The following CXADR variants were observed in gnomAD, a reference collection of about 807,000 sequenced individuals.
The protein encoded by CXADR is coxsackievirus and adenovirus receptor.
A neutral mutation model predicts 40.3 loss-of-function variants in CXADR; 20 were observed. That is an observed-to-expected ratio of 0.50 (90% confidence interval 0.35 to 0.72). The LOEUF is 0.72. CXADR is among the 30% of genes least tolerant of loss of function. CXADR has a pLI of 0.01. For missense variants in CXADR, 332 were observed against 449.1 expected, an observed-to-expected ratio of 0.74 and a Z score of 2.36; for synonymous variants, 150 against 161.3, an observed-to-expected ratio of 0.93 and a Z score of 0.53.
chr21:17,589,754 G>C (rs1255868919), intron 7 of CXADR, among the ~76,000 whole-genome samples: 1 of 151,960 alleles, frequency 6.6e-6, no homozygotes, highest in Non-Finnish European at 1.5e-5. Context: ...CGTAGGTAAT[G>C]GTCCTCGTTT....
chr21:17,569,647 T>G lies in CXADR; in HGVS notation c.*3955T>G. 1.0e-6 allele frequency: 1 copy of G among 980,590 alleles called. No individual in the cohort carries two copies. The highest frequency in any genetic ancestry group is 4.7e-5 in the South Asian group (1 of 21,208). 60.7% of individuals were successfully genotyped at this position (980,590 alleles called of 1,614,324 possible). A position where few individuals can be genotyped will look rare whatever the true frequency, so the allele number is the denominator to read the frequency against. ...ATCTTTAGGGAAGGCTGATCATTTA[T>G]CTTATAGCAGATAACCCCAGCCTCT... On this transcript the variant is annotated 3_prime_UTR_variant, in exon 7 of 7. Coordinates refer to ENST00000284878, the MANE Select transcript of CXADR (RefSeq NM_001338.5).
At position 17,568,777 on chromosome 21, in the gene CXADR, G is replaced by C. The variant is rs185846868; in HGVS notation, c.*3085G>C. 120 of 985,022 alleles carry C rather than the reference G, an allele frequency of 1.2e-4. No homozygotes were observed. The African/African-American group carries it at 2.0e-3, about 16-fold the overall frequency. 61.0% of individuals were successfully genotyped at this position (985,022 alleles called of 1,614,324 possible). A position where few individuals can be genotyped will look rare whatever the true frequency, so the allele number is the denominator to read the frequency against. ...ACTAATATGATTCCCTTGTTAGAGA[G>C]CCTCTCACTCCCCCACCCCCAAAAA... is the stretch of plus-strand genomic sequence containing the variant. On this transcript the variant is annotated 3_prime_UTR_variant, in exon 7 of 7. Transcript: ENST00000284878.
At chr21:17,623,267 G>A in the CXADR span, among the ~76,000 whole-genome samples, 1 of 152,152 alleles carries the variant, frequency 6.6e-6, no homozygotes, top group South Asian at 2.1e-4. Context: ...TATTTTGGAA[G>A]TATTTATTTA....
At chr21:17,600,990 T>C in the CXADR span, among the ~76,000 whole-genome samples, 340 of 152,152 alleles carry the variant, frequency 2.2e-3, 11 homozygotes, top group East Asian at 0.05. Flanking sequence ...GGTGAAACCC[T>C]GTCTCTACTA....
At chr21:17,598,486 G>T, downstream of CXADR, 1 of 727,792 alleles carries the variant, frequency 1.4e-6, no homozygotes, top group Non-Finnish European at 2.2e-6. Flanking sequence ...CTTTCCCTTA[G>T]CATGGGGAAA....
the CXADR span, chr21:17,605,097 T>C: frequency 1.5e-6 from 2 of 1,316,850 alleles, no homozygotes; most frequent in African/African-American, 1.5e-5. Context: ...AAAATAGTAA[T>C]AAAAAAATAC....
the CXADR span, among the ~76,000 whole-genome samples, chr21:17,626,720 T>C: frequency 6.6e-6 from 1 of 151,994 alleles, no homozygotes; most frequent in Non-Finnish European, 1.5e-5. Flanking sequence ...GGGAATGGGG[T>C]AGTGGGTGTT....
rs770344225 is a variant in CXADR at position 17,565,574 on chromosome 21, A to G, written c.980A>G (p.Glu327Gly). The G allele has an allele frequency of 3.7e-6, 6 of 1,613,686 alleles. No homozygotes were observed. The South Asian group carries it at 5.5e-5, about 15-fold the overall frequency. Residue 327 changes from glutamate (E) to glycine (G), a missense_variant, in exon 7 of 7, where the codon GAA becomes GGA. Physicochemically the swap from Glu to Gly is moderately conservative, Grantham distance 98. Around this residue, in one of 3 missense-constraint regions of CXADR, gnomAD observed 150 missense variants for 194.2 expected, o/e 0.77. Coordinates refer to ENST00000284878, the MANE Select transcript of CXADR (RefSeq NM_001338.5). ...AACCAAGTACCAAGTGAAGACTTTG[A>G]ACGCACTCCTCAGAGTCCGACTCTC... ...QYNQVPSEDF[E>G]RTPQSPTLPP...
intron 1 of CXADR, among the ~76,000 whole-genome samples, chr21:17,532,145 T>C (rs2060686337): frequency 6.6e-6 from 1 of 151,958 alleles, no homozygotes; most frequent in African/African-American, 2.4e-5. Context: ...GTTGCCCAGG[T>C]TGGTCTCAAA....
chr21:17,591,920 T>C (rs1333470985), intron 7 of CXADR, among the ~76,000 whole-genome samples: 2 of 151,994 alleles, frequency 1.3e-5, no homozygotes, highest in East Asian at 3.9e-4. Context: ...GTGACAGTTT[T>C]ATTTCATTAG....
intron 7 of CXADR, chr21:17,593,134 CTTT>C: frequency 1.4e-6 from 2 of 1,402,584 alleles, no homozygotes; most frequent in Non-Finnish European, 1.9e-6. Context: ...AGAGATATCT[CTTT>C]TTTTCTTTTT....
chr21:17,534,789 C>CT (rs11427595), intron 1 of CXADR, among the ~76,000 whole-genome samples: 69,607 of 131,968 alleles, frequency 0.53, 21,301 homozygotes, highest in Non-Finnish European at 0.67. Context: ...TATTTTCTTC[C>CT]TTTTTTTTTT....
intron 1 of CXADR, among the ~76,000 whole-genome samples, chr21:17,529,704 C>T (rs1178249849): frequency 6.6e-6 from 1 of 152,098 alleles, no homozygotes; most frequent in Admixed American, 6.5e-5. Flanking sequence ...TTTTTTGTTG[C>T]TTATTCCTTC....
intron 6 of CXADR, among the ~76,000 whole-genome samples, 161 bp from the exon 7 acceptor site, chr21:17,565,266 CT>C (rs2061188645): frequency 1.3e-5 from 2 of 148,722 alleles, no homozygotes; most frequent in African/African-American, 5.0e-5. Context: ...ATGGCTTGTG[CT>C]TTTTGCTTTT....
intron 1 of CXADR, among the ~76,000 whole-genome samples, chr21:17,542,640 AGTGCT>A (rs2060844007): frequency 6.6e-6 from 1 of 152,238 alleles, no homozygotes; most frequent in Admixed American, 6.5e-5. Context: ...AATATGATCT[AGTGCT>A]GTGCACTTAT....
At chr21:17,534,973 T>C (rs1002645613) in intron 1 of CXADR, among the ~76,000 whole-genome samples, 75 of 152,002 alleles carry the variant, frequency 4.9e-4, no homozygotes, top group African/African-American at 1.7e-3. Flanking sequence ...TTAGTAGAGA[T>C]GGGGTTTCAT....
chr21:17,622,619 A>G, the CXADR span, among the ~76,000 whole-genome samples: 4 of 152,218 alleles, frequency 2.6e-5, no homozygotes, highest in African/African-American at 9.7e-5. Flanking sequence ...GGAAATAACT[A>G]ATAAACTATG....
At chr21:17,526,301 T>G (rs941848694) in intron 1 of CXADR, among the ~76,000 whole-genome samples, 1 of 152,196 alleles carries the variant, frequency 6.6e-6, no homozygotes, top group Non-Finnish European at 1.5e-5. Context: ...AATCGTTATT[T>G]TTTTTTTGTC....
chr21:17,612,909 G>A, the CXADR span: 10 of 152,014 alleles, frequency 6.6e-5, no homozygotes, highest in Non-Finnish European at 1.3e-4. Context: ...AGTGAGCGCA[G>A]CCCCAAAGCG....
Sources: gnomAD v4.1 joint callset for allele counts (sites outside exome capture counted in the v4.1 genomes callset) on GRCh38, gnomAD v4.1.1 for gene constraint, gnomAD v4.1.1 regional missense constraint, MANE v1.5 for transcripts, NCBI Gene and HGNC (gene_info 2026-07-23, HGNC 2026-07-21) for gene names.